Variants in ABCA9 observed in about 807,000 individuals in gnomAD.
ABCA9 encodes the protein ATP binding cassette subfamily A member 9.
Under a neutral mutation model 205.3 loss-of-function variants are expected in ABCA9, and 183 were observed. The observed-to-expected ratio is 0.89, with a 90% CI of 0.79 to 1.01. The LOEUF (loss-of-function observed/expected upper bound fraction) is 1.01, where lower values mean the gene tolerates loss of function less well. Among genes scored for constraint, ABCA9 ranks in the 50% least tolerant of loss-of-function variants. ABCA9 has a pLI of 0.00. For missense variants in ABCA9, 1,805 were observed against 1,912.4 expected (o/e 0.94, Z 1.05); for synonymous variants, 651 against 683.3 (o/e 0.95, Z 0.74).
chr17:69,052,230 C>T (rs372676812), intron 1 of ABCA9, among the ~76,000 whole-genome samples: 1 of 152,022 alleles, frequency 6.6e-6, no homozygotes, highest in African/African-American at 2.4e-5. Context: ...AAAAAATTAG[C>T]TGGACATGGT....
intron 1 of ABCA9, among the ~76,000 whole-genome samples, chr17:69,055,919 G>T (rs1232385339): frequency 6.6e-6 from 1 of 151,750 alleles, no homozygotes; most frequent in Non-Finnish European, 1.5e-5. Context: ...TAACATAAAA[G>T]TCAAAGAAAA....
Position 68,987,758 on chromosome 17 carries a change from G to GTT in ABCA9, c.4047+1267_4047+1268dup, listed in dbSNP as rs72302464. On this transcript the variant is annotated intron_variant, in intron 31 of 38. Transcript: ENST00000340001. The stretch of plus-strand genomic sequence containing the variant: ...TGCGTTTTTTTTTGTTTGTTTGTTT[G>GTT]TTTGTTTGTTTTTTTGTTTGAGATG... Among the ~76,000 whole-genome samples, 229 of 95,474 alleles carry GTT rather than the reference G, an allele frequency of 2.4e-3. 5 individuals are homozygous for GTT. Among genetic ancestry groups the GTT allele is most frequent in the African/African-American group, 6.7e-3 (211 of 31,380 alleles). The allele number at this position is 95,474 out of a possible 152,430, so 62.6% of individuals were successfully genotyped here.
intron 31 of ABCA9, 131 bp from the exon 32 acceptor site, chr17:68,986,455 A>G (rs2069243134): frequency 1.1e-6 from 1 of 876,718 alleles, no homozygotes; most frequent in Non-Finnish European, 1.6e-6. Flanking sequence ...CAAATCAGTA[A>G]TCACTTAACT....
At chr17:69,072,725 C>T in the ABCA9 span, among the ~76,000 whole-genome samples, 2 of 151,724 alleles carry the variant, frequency 1.3e-5, no homozygotes, top group East Asian at 1.9e-4. Context: ...ATCATAATGA[C>T]AGGATCAAAT....
At chr17:69,037,070 T>A (rs2071367869) in intron 6 of ABCA9, among the ~76,000 whole-genome samples, 1 of 151,698 alleles carries the variant, frequency 6.6e-6, no homozygotes, top group African/African-American at 2.4e-5. Context: ...TAAAGCAAGT[T>A]CTTAGAGACC....
intron 4 of ABCA9, 124 bp from the exon 5 acceptor site, chr17:69,044,724 G>C: frequency 1.3e-6 from 1 of 774,232 alleles, no homozygotes. Flanking sequence ...AGTCTTCTCA[G>C]TTGAGAGTTG....
chr17:68,981,328 A>G (rs1285299582), intron 37 of ABCA9, among the ~76,000 whole-genome samples: 1 of 151,118 alleles, frequency 6.6e-6, no homozygotes, highest in Non-Finnish European at 1.5e-5. Flanking sequence ...TGTGATGTGA[A>G]AAAAAAAAGA....
rs1448366748 is a variant in ABCA9 at position 69,021,800 on chromosome 17, T to G, written c.2343A>C (p.Ile781=). The change falls in exon 18 of 39, where the codon ATA becomes ATC. Residue 781 remains isoleucine (I), a synonymous_variant. Transcript: ENST00000340001. ...NQGIEDYGVS[I]TTLNEVFLKL... is the part of the protein sequence containing the mutation. ...TCAGAAACACCTCATTCAAAGTTGT[T>G]ATGGAAACACCATAATCCTCAATGC... 6.3e-7 allele frequency: 1 copy of G among 1,598,042 alleles called. No homozygotes were observed. Among genetic ancestry groups the G allele is most frequent in the South Asian group, 1.1e-5 (1 of 88,704 alleles).
intron 6 of ABCA9, 84 bp from the exon 7 acceptor site, chr17:69,035,885 G>T: frequency 6.7e-7 from 1 of 1,482,792 alleles, no homozygotes; most frequent in African/African-American, 1.4e-5. Flanking sequence ...GATTTGTGAA[G>T]CTCACCATTT....
intron 1 of ABCA9, among the ~76,000 whole-genome samples, chr17:69,051,907 C>G (rs2071912413): frequency 1.3e-5 from 2 of 152,132 alleles, no homozygotes; most frequent in Non-Finnish European, 2.9e-5. Context: ...AAAAGGTTAT[C>G]TTTGGAAGTG....
chr17:69,003,764 G>A (rs1402241642), intron 25 of ABCA9, among the ~76,000 whole-genome samples: 1 of 151,856 alleles, frequency 6.6e-6, no homozygotes, highest in Non-Finnish European at 1.5e-5. Flanking sequence ...CCAATCAGAC[G>A]TAGATTTGGT....
At chr17:69,011,926 G>T in intron 23 of ABCA9, 50 bp downstream of exon 23, 1 of 1,320,234 alleles carries the variant, frequency 7.6e-7, no homozygotes, top group Non-Finnish European at 1.1e-6. Flanking sequence ...AAGGGTGTGG[G>T]AAGGGTTCTC....
intron 10 of ABCA9, among the ~76,000 whole-genome samples, chr17:69,029,924 A>G (rs2144355410): frequency 6.6e-6 from 1 of 152,350 alleles, no homozygotes; most frequent in African/African-American, 2.4e-5. Context: ...CAGGAAAAAT[A>G]ACTAATGGGT....
chr17:68,995,949 G>A lies in ABCA9; in HGVS notation c.3501C>T (p.Gly1167=), dbSNP rs142245453. 6.6e-5 allele frequency: 107 copies of A among 1,613,692 alleles called. 1 individual carries two copies. In the African/African-American group the frequency reaches 1.2e-3, roughly 18 times the overall value. Residue 1167 remains glycine (G), a synonymous_variant, in exon 26 of 39, where the codon GGC becomes GGT. Coordinates refer to ENST00000340001, the MANE Select transcript of ABCA9 (RefSeq NM_080283.4). ...NEYGFLGLFF[G]TMLIPPFTLI... is the part of the protein sequence containing the mutation. ...ATGTGAAGGGAGGTATTAACATGGT[G>A]CCAAAAAATAGCCCTAGAAATCCAT...
At chr17:69,050,990 T>G in intron 2 of ABCA9, 41 bp downstream of exon 2, 1 of 1,573,506 alleles carries the variant, frequency 6.4e-7, no homozygotes, top group Non-Finnish European at 8.7e-7. Flanking sequence ...AAATACTTTT[T>G]CATCCTCTAA....
intron 10 of ABCA9, among the ~76,000 whole-genome samples, chr17:69,031,454 G>C (rs1184826140): frequency 6.6e-6 from 1 of 152,154 alleles, no homozygotes; most frequent in African/African-American, 2.4e-5. Flanking sequence ...ATATCAGAAA[G>C]GTATTACTGA....
chr17:68,989,990 C>T, intron 29 of ABCA9, 60 bp from the exon 30 acceptor site: 1 of 1,158,704 alleles, frequency 8.6e-7, no homozygotes, highest in South Asian at 1.4e-5. Flanking sequence ...AGAGGGTGTT[C>T]CACACTCTTG....
At chr17:69,016,117 T>TACACACAC (rs1318243946) in intron 22 of ABCA9, 136 bp downstream of exon 22, 2 of 283,136 alleles carry the variant, frequency 7.1e-6, no homozygotes, top group African/African-American at 2.5e-5. Flanking sequence ...TATATATATA[T>TACACACAC]ATATATACAC....
At chr17:69,069,964 T>C in the ABCA9 span, among the ~76,000 whole-genome samples, 729 of 152,322 alleles carry the variant, frequency 4.8e-3, 4 homozygotes, top group African/African-American at 0.017. Flanking sequence ...CATTATATTG[T>C]TATTGAAAGT....
Sources: allele counts gnomAD v4.1 joint callset (sites outside exome capture counted in the v4.1 genomes callset), GRCh38; gene constraint gnomAD v4.1.1; transcripts MANE v1.5; gene names NCBI Gene and HGNC (gene_info 2026-07-23, HGNC 2026-07-21).